Variants in ZRANB3 observed in about 807,000 individuals in gnomAD.
ZRANB3 encodes the protein zinc finger RANBP2-type containing 3, also known as DNA annealing helicase and endonuclease ZRANB3.
A neutral mutation model predicts 133.8 loss-of-function variants in ZRANB3; 125 were observed. That is an observed-to-expected ratio of 0.93 (90% confidence interval 0.81 to 1.08). The LOEUF (loss-of-function observed/expected upper bound fraction) is 1.08. Ranked by LOEUF, ZRANB3 falls within the 50% of genes least tolerant of loss-of-function variation. ZRANB3 has a pLI of 0.00. For synonymous variants in ZRANB3, 387 were observed against 432.7 expected (o/e 0.89, Z 1.31); for missense variants, 1,229 against 1,275.5 (o/e 0.96, Z 0.56).
At chr2:135,514,203 T>G (rs1247215785) in intron 1 of ZRANB3, among the ~76,000 whole-genome samples, 1 of 152,202 alleles carries the variant, frequency 6.6e-6, no homozygotes, top group Non-Finnish European at 1.5e-5. Flanking sequence ...TTGATGGGGA[T>G]AGCATTGAAT....
At chr2:135,345,822 C>G (rs190282387) in intron 5 of ZRANB3, among the ~76,000 whole-genome samples, 187 bp from the exon 6 acceptor site, 1 of 145,224 alleles carries the variant, frequency 6.9e-6, no homozygotes, top group Admixed American at 6.7e-5. Flanking sequence ...ATTTATACAT[C>G]TTTCTATGTT....
Position 135,361,589 on chromosome 2 carries a change from T to A in ZRANB3, c.181-7961A>T, listed in dbSNP as rs115173097. On this transcript the variant is annotated intron_variant, in intron 3 of 20. Transcript: ENST00000264159. ...TGACATTTTTCGAAACTAAAAACTT[T>A]TCCGGTTTTAATGTTATAAGCAGCT... 6.9e-3 allele frequency among the ~76,000 whole-genome samples: 1,048 copies of A among 152,312 alleles called. 1 individual carries two copies. Among genetic ancestry groups the A allele is most frequent in the Middle Eastern group, 0.024 (7 of 294 alleles).
At chr2:135,411,469 A>G (rs912720696) in intron 2 of ZRANB3, among the ~76,000 whole-genome samples, 17 of 152,174 alleles carry the variant, frequency 1.1e-4, no homozygotes, top group African/African-American at 4.1e-4. Context: ...CTGCACTCAT[A>G]TATTTATCAC....
At chr2:135,525,729 T>G (rs890527330) in intron 1 of ZRANB3, among the ~76,000 whole-genome samples, 3 of 150,938 alleles carry the variant, frequency 2.0e-5, no homozygotes, top group Admixed American at 1.3e-4. Context: ...GTGCCTGTAA[T>G]CCCAGCTACT....
chr2:135,480,374 T>C (rs1691722603), intron 2 of ZRANB3, among the ~76,000 whole-genome samples: 1 of 152,118 alleles, frequency 6.6e-6, no homozygotes, highest in African/African-American at 2.4e-5. Context: ...AAAATGTTTG[T>C]TCACTGATGC....
chr2:135,420,091 TTATATATATATA>T (rs201217358), intron 2 of ZRANB3, among the ~76,000 whole-genome samples: 30 of 72,472 alleles, frequency 4.1e-4, no homozygotes, highest in East Asian at 3.9e-3. Context: ...TATCTTAGAT[TTATATATATATA>T]TATATATATA....
At chr2:135,403,523 G>T in intron 2 of ZRANB3, among the ~76,000 whole-genome samples, 1 of 152,172 alleles carries the variant, frequency 6.6e-6, no homozygotes, top group East Asian at 1.9e-4. Flanking sequence ...CTCCACCTCC[G>T]GGGCAGGGCA....
intron 8 of ZRANB3, among the ~76,000 whole-genome samples, chr2:135,280,460 G>A (rs555840848): frequency 2.1e-4 from 32 of 152,212 alleles, no homozygotes; most frequent in African/African-American, 7.2e-4. Context: ...CCAGCTACTC[G>A]GGAGGCTGAG....
At chr2:135,262,159 C>CAAAAAAA (rs755264566) in intron 12 of ZRANB3, among the ~76,000 whole-genome samples, 8 of 63,962 alleles carry the variant, frequency 1.3e-4, no homozygotes, top group South Asian at 5.1e-4. Context: ...ACTCCATCTC[C>CAAAAAAA]AAAAAAAAAA....
At chr2:135,448,259 G>GCT (rs1266226993) in intron 2 of ZRANB3, among the ~76,000 whole-genome samples, 1 of 152,070 alleles carries the variant, frequency 6.6e-6, no homozygotes, top group Non-Finnish European at 1.5e-5. Flanking sequence ...GATTTCCTGC[G>GCT]CTCTCAGCTG....
intron 2 of ZRANB3, among the ~76,000 whole-genome samples, chr2:135,405,975 T>G (rs1036667209): frequency 6.6e-6 from 1 of 151,118 alleles, no homozygotes; most frequent in Non-Finnish European, 1.5e-5. Context: ...AAGATCAGAG[T>G]AGAACTGAAG....
At chr2:135,470,991 C>T (rs1259062305) in intron 2 of ZRANB3, among the ~76,000 whole-genome samples, 5 of 151,412 alleles carry the variant, frequency 3.3e-5, no homozygotes, top group East Asian at 2.0e-4. Flanking sequence ...TTAATAGAGA[C>T]GGGGTTTCAC....
chr2:135,271,208 G>C (rs568929996), intron 10 of ZRANB3: 73 of 413,812 alleles, frequency 1.8e-4, no homozygotes, highest in Admixed American at 3.7e-4. Context: ...TAAGGACTTT[G>C]TGCAAACATC....
At chr2:135,379,997 G>C (rs1686614904) in intron 3 of ZRANB3, among the ~76,000 whole-genome samples, 1 of 151,968 alleles carries the variant, frequency 6.6e-6, no homozygotes, top group Admixed American at 6.6e-5. Context: ...CAAAAAAAAA[G>C]CAGGGGTTGC....
At chr2:135,299,954 A>G (rs549428297) in intron 8 of ZRANB3, among the ~76,000 whole-genome samples, 1 of 152,332 alleles carries the variant, frequency 6.6e-6, no homozygotes, top group East Asian at 1.9e-4. Context: ...GAAATCTTTT[A>G]TCTTGAAGAT....
chr2:135,415,201 G>C (rs944374407), intron 2 of ZRANB3, among the ~76,000 whole-genome samples: 1 of 150,520 alleles, frequency 6.6e-6, no homozygotes, highest in African/African-American at 2.4e-5. Flanking sequence ...AAAATTGATA[G>C]ACCACTAGCA....
intron 2 of ZRANB3, among the ~76,000 whole-genome samples, chr2:135,484,345 C>A (rs1691993620): frequency 6.6e-6 from 1 of 152,182 alleles, no homozygotes; most frequent in African/African-American, 2.4e-5. Context: ...TAATTTCATT[C>A]AATCACAAGC....
intron 8 of ZRANB3, among the ~76,000 whole-genome samples, chr2:135,299,516 G>A (rs759394112): frequency 4.6e-5 from 7 of 152,130 alleles, no homozygotes; most frequent in Non-Finnish European, 7.3e-5. Context: ...TTTGCACTAG[G>A]TCGAAATTAT....
At chr2:135,240,980 T>C (rs914698969) in intron 12 of ZRANB3, among the ~76,000 whole-genome samples, 2 of 152,224 alleles carry the variant, frequency 1.3e-5, no homozygotes, top group African/African-American at 4.8e-5. Context: ...CTTTTAGGGC[T>C]TTTCAGGAAC....
Sources: gnomAD v4.1 joint callset for allele counts (sites outside exome capture counted in the v4.1 genomes callset) on GRCh38, gnomAD v4.1.1 for gene constraint, MANE v1.5 for transcripts, NCBI Gene and HGNC (gene_info 2026-07-23, HGNC 2026-07-21) for gene names.